The following FAM13A variants were observed in gnomAD, a reference collection of about 807,000 sequenced individuals.
The protein encoded by FAM13A is family with sequence similarity 13 member A, also known as protein FAM13A.
In FAM13A, 76 loss-of-function variants were observed where a neutral mutation model predicts 129.6. The observed-to-expected ratio is 0.59, with a 90% confidence interval of 0.49 to 0.71. FAM13A has a LOEUF of 0.71. Among genes scored for constraint, FAM13A ranks in the 30% least tolerant of loss-of-function variants. FAM13A has a pLI of 0.00. For synonymous variants in FAM13A, 443 were observed against 449.9 expected, an observed-to-expected ratio of 0.98 and a Z score of 0.20; for missense variants, 1,108 against 1,249.3, an observed-to-expected ratio of 0.89 and a Z score of 1.70.
chr4:88,845,770 AT>A (rs1172849275), intron 7 of FAM13A, among the ~76,000 whole-genome samples: 2 of 152,310 alleles, frequency 1.3e-5, no homozygotes, highest in East Asian at 1.9e-4. Flanking sequence ...GATGTATCAA[AT>A]TTTTTAAGAA....
At chr4:89,006,464 G>A (rs1315153717) in intron 3 of FAM13A, among the ~76,000 whole-genome samples, 1 of 152,194 alleles carries the variant, frequency 6.6e-6, no homozygotes, top group Non-Finnish European at 1.5e-5. Context: ...TTGCAACAGG[G>A]GTGTGGCTTG....
rs74399176 is a variant in FAM13A at position 88,727,545 on chromosome 4, A to T, written c.*988T>A. 1.7e-3 allele frequency: 257 copies of T among 150,098 alleles called. 1 individual carries two copies. Among genetic ancestry groups the T allele is most frequent in the Non-Finnish European group, 2.7e-3 (183 of 67,644 alleles). The allele number at this position is 150,098 out of a possible 1,614,324, so 9.3% of individuals were successfully genotyped here. On this transcript the variant is annotated 3_prime_UTR_variant, in exon 24 of 24. Coordinates refer to ENST00000264344, the MANE Select transcript of FAM13A (RefSeq NM_014883.4). ...GGGGATTTTAGTGCAGATTTTTTTT[A>T]AAAAAATTAAACTCTGGTAAGTACT... is the stretch of plus-strand genomic sequence containing the variant.
chr4:88,790,482 A>G lies in FAM13A; in HGVS notation c.1091+104T>C, dbSNP rs1393809149. 7 of 932,082 alleles carry G rather than the reference A, an allele frequency of 7.5e-6. No homozygotes were observed. In the Admixed American group the frequency reaches 1.3e-4, roughly 18 times the overall value. 57.7% of individuals were successfully genotyped at this position (932,082 alleles called of 1,614,324 possible). On this transcript the variant is annotated intron_variant, in intron 9 of 23. Coordinates refer to ENST00000264344, the MANE Select transcript of FAM13A (RefSeq NM_014883.4). ...GGCTGCTTATTATCTGAATTTTCCAATACTGTACACCATTAGAGTTGCTTT... is the reference window on the plus strand; with the variant it reads ...GGCTGCTTATTATCTGAATTTTCCAGTACTGTACACCATTAGAGTTGCTTT...
intron 4 of FAM13A, among the ~76,000 whole-genome samples, chr4:88,947,062 T>C (rs1756008722): frequency 6.6e-6 from 1 of 152,100 alleles, no homozygotes; most frequent in South Asian, 2.1e-4. Context: ...AGGAGGCCAT[T>C]GTTTTGGACT....
At position 88,731,410 on chromosome 4, in the gene FAM13A, G is replaced by T; in HGVS notation, c.2862C>A (p.His954Gln). 6.3e-7 allele frequency: 1 copy of T among 1,599,356 alleles called. No homozygotes were observed. The highest frequency in any genetic ancestry group is 8.5e-7 in the Non-Finnish European group (1 of 1,175,442). Residue 954 changes from histidine to glutamine, a missense_variant, in exon 23 of 24, where the codon CAC becomes CAA. By Grantham distance (24) the His-to-Gln change is conservative. This residue lies in a region of FAM13A where 529 missense variants were observed against 621.2 expected (regional missense o/e 0.85). Coordinates refer to ENST00000264344, the MANE Select transcript of FAM13A (RefSeq NM_014883.4). Reference protein sequence around the residue: ...HAASIPELLEHLQEMREEKKR... With the variant: ...HAASIPELLEQLQEMREEKKR... ...TCTTTTCTTCTCTCATTTCCTGGAG[G>T]TGTTCCAGGAGTTCAGGTCTAAGAG...
chr4:88,897,616 G>A (rs11930510), intron 6 of FAM13A, among the ~76,000 whole-genome samples: 1,830 of 152,072 alleles, frequency 0.012, 47 homozygotes, highest in African/African-American at 0.041. Flanking sequence ...AGGCAAATAC[G>A]GCTGTAACTA....
intron 6 of FAM13A, among the ~76,000 whole-genome samples, chr4:88,866,821 T>A (rs148521763): frequency 7.2e-4 from 109 of 152,316 alleles, no homozygotes; most frequent in Middle Eastern, 6.8e-3. Context: ...ACATACACTC[T>A]TCCTGAAAAT....
intron 6 of FAM13A, among the ~76,000 whole-genome samples, chr4:88,903,618 A>G (rs1020894899): frequency 6.6e-6 from 1 of 152,214 alleles, no homozygotes; most frequent in African/African-American, 2.4e-5. Flanking sequence ...CTCAAAATGG[A>G]TTAAAGATTT....
chr4:89,055,991 A>C (rs537166885), intron 1 of FAM13A, among the ~76,000 whole-genome samples: 1 of 152,336 alleles, frequency 6.6e-6, no homozygotes, highest in South Asian at 2.1e-4. Context: ...AAGCTACAGC[A>C]AATTGCAGCT....
intron 4 of FAM13A, among the ~76,000 whole-genome samples, chr4:88,972,892 G>A (rs1760326111): frequency 6.6e-6 from 1 of 152,164 alleles, no homozygotes; most frequent in Non-Finnish European, 1.5e-5. Flanking sequence ...ACAGGCGTGA[G>A]CCACCGTGCC....
chr4:88,766,299 G>C (rs1745695902), intron 13 of FAM13A, among the ~76,000 whole-genome samples: 1 of 152,114 alleles, frequency 6.6e-6, no homozygotes, highest in Admixed American at 6.6e-5. Context: ...GGGGAAACAT[G>C]ATCTTTAAAA....
chr4:88,802,859 T>C (rs1727770287), intron 8 of FAM13A, among the ~76,000 whole-genome samples: 1 of 152,148 alleles, frequency 6.6e-6, no homozygotes, highest in Admixed American at 6.5e-5. Flanking sequence ...TGATCTCCTA[T>C]ACCCGAGGGC....
At chr4:88,900,208 C>A (rs531482051) in intron 6 of FAM13A, among the ~76,000 whole-genome samples, 5 of 152,128 alleles carry the variant, frequency 3.3e-5, no homozygotes, top group African/African-American at 1.2e-4. Context: ...GGAAAACATA[C>A]TTCATATGCT....
chr4:88,806,978 C>G (rs1393985810), intron 7 of FAM13A, among the ~76,000 whole-genome samples: 1 of 151,940 alleles, frequency 6.6e-6, no homozygotes, highest in East Asian at 1.9e-4. Context: ...AAAGAAACAC[C>G]ATGCCAAACA....
intron 5 of FAM13A, among the ~76,000 whole-genome samples, chr4:88,913,645 G>A (rs538966076): frequency 1.1e-4 from 17 of 152,344 alleles, no homozygotes; most frequent in Non-Finnish European, 2.2e-4. Context: ...ATAGAGAATT[G>A]CCTGGTATAG....
intron 4 of FAM13A, among the ~76,000 whole-genome samples, chr4:88,952,125 T>C (rs1212879681): frequency 6.6e-6 from 1 of 152,148 alleles, no homozygotes; most frequent in Non-Finnish European, 1.5e-5. Flanking sequence ...ACACCTTTCC[T>C]CTCTAATGGT....
intron 6 of FAM13A, among the ~76,000 whole-genome samples, chr4:88,889,239 T>C (rs1302197989): frequency 1.3e-5 from 2 of 152,286 alleles, no homozygotes; most frequent in African/African-American, 4.8e-5. Context: ...ACTGCTGAAG[T>C]GTGAATGGGA....
chr4:88,990,785 GC>G (rs1438782458), intron 4 of FAM13A, 187 bp downstream of exon 4: 2 of 465,596 alleles, frequency 4.3e-6, no homozygotes, highest in African/African-American at 2.0e-5. Flanking sequence ...TGTAAAAAGG[GC>G]ATAGCTACCT....
intron 2 of FAM13A, among the ~76,000 whole-genome samples, chr4:89,024,328 AAGAG>A (rs1767653403): frequency 1.3e-5 from 2 of 152,304 alleles, no homozygotes; most frequent in South Asian, 4.1e-4. Context: ...ATGCCAAACT[AAGAG>A]AAAGAAGCCG....
Sources: allele counts gnomAD v4.1 joint callset (sites outside exome capture counted in the v4.1 genomes callset), GRCh38; gene constraint gnomAD v4.1.1; regional missense constraint gnomAD v4.1.1; transcripts MANE v1.5; gene names NCBI Gene and HGNC (gene_info 2026-07-23, HGNC 2026-07-21).